Variants in PDZRN4 observed in about 807,000 individuals in gnomAD.
PDZRN4 encodes PDZ domain containing ring finger 4, also known as PDZ domain-containing RING finger protein 4.
In PDZRN4, 70 loss-of-function variants were observed where a neutral mutation model predicts 99.0. That is an observed-to-expected ratio of 0.71 (90% CI 0.58 to 0.86). PDZRN4 has a LOEUF of 0.86. PDZRN4 is among the 40% of genes least tolerant of loss of function. The pLI, the probability that PDZRN4 is intolerant of heterozygous loss-of-function variation, is 0.00. For synonymous variants in PDZRN4, 551 were observed against 501.6 expected (o/e 1.10, Z -1.32); for missense variants, 1,474 against 1,331.2 (o/e 1.11, Z -1.67).
chr12:41,317,748 GTTATACA>G, intron 3 of PDZRN4, among the ~76,000 whole-genome samples: 1 of 152,106 alleles, frequency 6.6e-6, no homozygotes, highest in Non-Finnish European at 1.5e-5. Context: ...CTTTTGGACA[GTTATACA>G]TGGACTCCGG....
At chr12:41,447,363 T>C (rs75255989) in intron 3 of PDZRN4, among the ~76,000 whole-genome samples, 2,362 of 152,216 alleles carry the variant, frequency 0.016, 36 homozygotes, top group Non-Finnish European at 0.023. Context: ...GATGGCACAT[T>C]GTAGTGTTAC....
intron 3 of PDZRN4, among the ~76,000 whole-genome samples, chr12:41,445,953 T>G (rs745508306): frequency 1.3e-5 from 2 of 152,048 alleles, no homozygotes; most frequent in South Asian, 2.1e-4. Flanking sequence ...ACCTGTCCCA[T>G]CTCCATCTCC....
In PDZRN4 at chr12:41,295,540, A is replaced by C. The variant is rs1422241869; in HGVS notation, c.843+101352A>C. Among the ~76,000 whole-genome samples the C allele has an allele frequency of 2.6e-5, 4 of 152,182 alleles. No homozygotes were observed. The East Asian group carries it at 7.7e-4, about 29-fold the overall frequency. ...CCTATATCACCCCCTCACCAAAATT[A>C]AACAGTCAAAAACTCCATAAGAAAA... On this transcript the variant is annotated intron_variant, in intron 3 of 9. Transcript: ENST00000402685.
chr12:41,545,950 A>T (rs569109657), intron 5 of PDZRN4, among the ~76,000 whole-genome samples: 80 of 152,256 alleles, frequency 5.3e-4, no homozygotes, highest in African/African-American at 1.9e-3. Context: ...ACTAGGATCC[A>T]GTGAACTATC....
At chr12:41,482,122 G>A (rs563093549) in intron 3 of PDZRN4, among the ~76,000 whole-genome samples, 1 of 152,212 alleles carries the variant, frequency 6.6e-6, no homozygotes, top group African/African-American at 2.4e-5. Context: ...TGACCATTGG[G>A]TTGCCTTCTC....
intron 3 of PDZRN4, among the ~76,000 whole-genome samples, chr12:41,491,845 T>C (rs1937892302): frequency 6.6e-6 from 1 of 152,226 alleles, no homozygotes; most frequent in Admixed American, 6.5e-5. Flanking sequence ...TTGTGAAACC[T>C]GCAAATTTTT....
chr12:41,395,182 T>A (rs1243616205), intron 3 of PDZRN4, among the ~76,000 whole-genome samples: 1 of 152,198 alleles, frequency 6.6e-6, no homozygotes, highest in Non-Finnish European at 1.5e-5. Context: ...TCTCTTCTGC[T>A]ATAGATCCTT....
intron 3 of PDZRN4, among the ~76,000 whole-genome samples, chr12:41,275,633 A>G (rs904996117): frequency 6.6e-6 from 1 of 151,940 alleles, no homozygotes; most frequent in African/African-American, 2.4e-5. Context: ...TCTCCCTTAA[A>G]ATTTTATAAG....
At chr12:41,459,939 C>A (rs926514812) in intron 3 of PDZRN4, 4 of 1,265,668 alleles carry the variant, frequency 3.2e-6, no homozygotes, top group Non-Finnish European at 4.1e-6. Context: ...GAAAAAATGA[C>A]CTTTGTTTCA....
chr12:41,539,315 A>G (rs1205240754), intron 5 of PDZRN4, among the ~76,000 whole-genome samples: 3 of 152,082 alleles, frequency 2.0e-5, no homozygotes, highest in Non-Finnish European at 4.4e-5. Context: ...CTAAAGTTTA[A>G]CATCAATATT....
intron 3 of PDZRN4, among the ~76,000 whole-genome samples, chr12:41,416,322 C>T (rs575328408): frequency 1.7e-4 from 26 of 152,038 alleles, no homozygotes; most frequent in South Asian, 1.7e-3. Context: ...AAAAAAATGG[C>T]GAAAGAAGGA....
chr12:41,397,614 G>A (rs1952258394), intron 3 of PDZRN4, among the ~76,000 whole-genome samples: 1 of 152,050 alleles, frequency 6.6e-6, no homozygotes, highest in Non-Finnish European at 1.5e-5. Context: ...TTAGAATTCA[G>A]TCTTTTTTAG....
intron 3 of PDZRN4, among the ~76,000 whole-genome samples, chr12:41,337,104 CAG>C (rs1039822702): frequency 1.4e-4 from 21 of 152,172 alleles, no homozygotes; most frequent in African/African-American, 5.1e-4. Flanking sequence ...AATTTTGTTT[CAG>C]AGTCACACTA....
chr12:41,219,342 G>A (rs1950939470), intron 3 of PDZRN4, among the ~76,000 whole-genome samples: 2 of 151,936 alleles, frequency 1.3e-5, no homozygotes, highest in Admixed American at 6.6e-5. Context: ...AGGTGAGAAT[G>A]GTAGGGAGAA....
chr12:41,338,559 C>G (rs1352976482), intron 3 of PDZRN4, among the ~76,000 whole-genome samples: 1 of 151,590 alleles, frequency 6.6e-6, no homozygotes, highest in Non-Finnish European at 1.5e-5. Context: ...AACAAAACTT[C>G]AACTAGACTA....
chr12:41,448,803 T>C (rs1360409706), intron 3 of PDZRN4, among the ~76,000 whole-genome samples: 1 of 152,162 alleles, frequency 6.6e-6, no homozygotes, highest in Non-Finnish European at 1.5e-5. Context: ...GGGAGCGGGA[T>C]TGACAAACAT....
intron 3 of PDZRN4, among the ~76,000 whole-genome samples, chr12:41,320,604 A>G (rs182832800): frequency 2.0e-5 from 3 of 152,306 alleles, no homozygotes; most frequent in East Asian, 3.9e-4. Context: ...GAAGGGAGAC[A>G]TGTATTTCCA....
chr12:41,397,118 T>A (rs1407495634), intron 3 of PDZRN4, among the ~76,000 whole-genome samples: 5 of 152,194 alleles, frequency 3.3e-5, no homozygotes, highest in African/African-American at 1.2e-4. Context: ...TTGTAAGCAA[T>A]AAATGCTTAA....
chr12:41,351,839 A>G (rs373047449), intron 3 of PDZRN4, among the ~76,000 whole-genome samples: 1 of 151,956 alleles, frequency 6.6e-6, no homozygotes, highest in African/African-American at 2.4e-5. Flanking sequence ...TAGGAGAAGT[A>G]TTTTTAAAAA....
Sources: gnomAD v4.1 joint callset for allele counts (sites outside exome capture counted in the v4.1 genomes callset) on GRCh38, gnomAD v4.1.1 for gene constraint, MANE v1.5 for transcripts, NCBI Gene and HGNC (gene_info 2026-07-23, HGNC 2026-07-21) for gene names.